The following TNFRSF1B variants were observed in gnomAD, a reference collection of about 807,000 sequenced individuals.
The protein encoded by TNFRSF1B is tumor necrosis factor receptor superfamily member 1B.
TNFRSF1B carries 19 observed loss-of-function variants against 44.6 expected under a neutral mutation model. The observed-to-expected ratio is 0.43, with a 90% CI of 0.30 to 0.62. The LOEUF is 0.62. Among genes scored for constraint, TNFRSF1B ranks in the 20% least tolerant of loss-of-function variants. The pLI, the probability that TNFRSF1B is intolerant of heterozygous loss-of-function variation, is 0.16. For synonymous variants in TNFRSF1B, 252 were observed against 261.1 expected, an observed-to-expected ratio of 0.97 and a Z score of 0.34; for missense variants, 541 against 619.9, an observed-to-expected ratio of 0.87 and a Z score of 1.35.
rs1194581204 is a variant in TNFRSF1B, at chr1:12,180,396, T to A, written c.79-8400T>A. ...TTTTCCTTCTCCTCCAGGCCTCCCT[T>A]CTTTCCTTCCTCTCTCGCTATTTAT... is the stretch of plus-strand genomic sequence containing the variant. On this transcript the variant is annotated intron_variant, in intron 1 of 9. Transcript: ENST00000376259. The surrounding 1 kb of genome is among the most constrained non-coding windows in gnomAD (Gnocchi z 4.3). Among the ~76,000 whole-genome samples the A allele has an allele frequency of 6.6e-6, 1 of 152,208 alleles. No individual in the cohort carries two copies. The highest frequency in any genetic ancestry group is 1.5e-5 in the Non-Finnish European group (1 of 68,038).
chr1:12,179,122 C>T (rs1454128122), intron 1 of TNFRSF1B, among the ~76,000 whole-genome samples: 1 of 152,132 alleles, frequency 6.6e-6, no homozygotes, highest in Non-Finnish European at 1.5e-5. Context: ...GCATTTAGCA[C>T]AAAGCCTGGC....
At chr1:12,189,651 C>G (rs1639066969) in intron 2 of TNFRSF1B, among the ~76,000 whole-genome samples, 1 of 152,222 alleles carries the variant, frequency 6.6e-6, no homozygotes, top group South Asian at 2.1e-4. Context: ...AGACAAAACC[C>G]TTGCCCTCGT....
chr1:12,201,422 A>G (rs1228935552), intron 8 of TNFRSF1B, among the ~76,000 whole-genome samples: 1 of 151,880 alleles, frequency 6.6e-6, no homozygotes, highest in Non-Finnish European at 1.5e-5. Flanking sequence ...CAGCCATCTA[A>G]TCTTCACAAC....
intron 1 of TNFRSF1B, among the ~76,000 whole-genome samples, chr1:12,172,266 G>C (rs1029269083): frequency 6.6e-6 from 1 of 152,196 alleles, no homozygotes; most frequent in Non-Finnish European, 1.5e-5. Context: ...GATGACTCTG[G>C]GGAAAGGCCC....
Position 12,190,953 on chromosome 1 carries a change from T to C in TNFRSF1B, c.179-4T>C. 1 of 1,613,460 alleles carries C rather than the reference T, an allele frequency of 6.2e-7. No homozygotes were observed. The highest frequency in any genetic ancestry group is 8.5e-7 in the Non-Finnish European group (1 of 1,179,516). On this transcript the variant is annotated splice_region_variant and splice_polypyrimidine_tract_variant and intron_variant, in intron 2 of 9. Coordinates refer to ENST00000376259, the MANE Select transcript of TNFRSF1B (RefSeq NM_001066.3). ...GCTGAGACCTCTGGCCCTTGTTTCC[T>C]CAGGCCAACATGCAAAAGTCTTCTG...
Position 12,171,978 on chromosome 1 carries a change from C to G in TNFRSF1B, c.78+4809C>G, listed in dbSNP as rs1638533442. On this transcript the variant is annotated intron_variant, in intron 1 of 9. Transcript: ENST00000376259. The surrounding 1 kb of genome is among the most constrained non-coding windows in gnomAD (Gnocchi z 4.5). ...AGGGTGGGGTTCTGTTTGCCTCCATCTCTTGGGGTATTTTTCTGGGCTCCT... is the reference window on the plus strand; with the variant it reads ...AGGGTGGGGTTCTGTTTGCCTCCATGTCTTGGGGTATTTTTCTGGGCTCCT... Among the ~76,000 whole-genome samples the G allele has an allele frequency of 6.6e-6, 1 of 152,152 alleles. No homozygotes were observed. Among genetic ancestry groups the G allele is most frequent in the Non-Finnish European group, 1.5e-5 (1 of 68,036 alleles).
chr1:12,204,800 C>CA (rs1264438217), intron 9 of TNFRSF1B, among the ~76,000 whole-genome samples: 1 of 150,960 alleles, frequency 6.6e-6, no homozygotes, highest in African/African-American at 2.5e-5. Flanking sequence ...TCACCACCAC[C>CA]ACCACCACCA....
chr1:12,183,709 TA>T (rs1440463390), intron 1 of TNFRSF1B, among the ~76,000 whole-genome samples: 2 of 116,384 alleles, frequency 1.7e-5, no homozygotes, highest in African/African-American at 5.8e-5. Flanking sequence ...TCTATCTATC[TA>T]TTCTATCTAC....
intron 1 of TNFRSF1B, among the ~76,000 whole-genome samples, chr1:12,182,201 G>A (rs568000329): frequency 1.6e-4 from 24 of 152,158 alleles, no homozygotes; most frequent in Admixed American, 5.2e-4. Flanking sequence ...TGGCCTCAGG[G>A]GGACCAGGGG....
At chr1:12,200,874 G>A (rs1004247523) in intron 8 of TNFRSF1B, among the ~76,000 whole-genome samples, 11 of 152,186 alleles carry the variant, frequency 7.2e-5, no homozygotes, top group African/African-American at 2.4e-4. Context: ...GCCTGCCTCA[G>A]CCTCCCAAAG....
intron 3 of TNFRSF1B, 190 bp from the exon 4 acceptor site, chr1:12,191,584 C>T (rs1245130603): frequency 2.9e-6 from 2 of 678,990 alleles, no homozygotes; most frequent in Non-Finnish European, 2.6e-6. Context: ...CGGAGAGTAG[C>T]GGGACTGCGG....
At chr1:12,205,319 T>C (rs1639478252) in intron 9 of TNFRSF1B, among the ~76,000 whole-genome samples, 1 of 151,622 alleles carries the variant, frequency 6.6e-6, no homozygotes, top group South Asian at 2.1e-4. Context: ...GTGGGGAATG[T>C]GGCTGGAAGG....
chr1:12,202,711 A>G (rs1291955429), intron 9 of TNFRSF1B, among the ~76,000 whole-genome samples: 3 of 152,354 alleles, frequency 2.0e-5, no homozygotes, highest in African/African-American at 7.2e-5. Flanking sequence ...TTACATGCAT[A>G]AAACTGACCT....
chr1:12,201,046 A>C (rs900000581), intron 8 of TNFRSF1B, among the ~76,000 whole-genome samples: 7 of 152,060 alleles, frequency 4.6e-5, no homozygotes, highest in Non-Finnish European at 1.0e-4. Flanking sequence ...TGAGCCCAGG[A>C]GTACAAGACC....
At chr1:12,201,889 G>A in intron 8 of TNFRSF1B, 78 bp from the exon 9 acceptor site, 1 of 1,495,874 alleles carries the variant, frequency 6.7e-7, no homozygotes. Context: ...AGGTGTGGAT[G>A]GCAGTGGGAA....
chr1:12,173,725 G>C (rs796315331), intron 1 of TNFRSF1B, among the ~76,000 whole-genome samples: 1 of 152,194 alleles, frequency 6.6e-6, no homozygotes, highest in Non-Finnish European at 1.5e-5. Context: ...GCTCTGACCC[G>C]GTTCTGAGTC....
intron 1 of TNFRSF1B, among the ~76,000 whole-genome samples, chr1:12,167,963 C>T (rs1283383865): frequency 1.3e-5 from 2 of 152,178 alleles, no homozygotes; most frequent in Non-Finnish European, 2.9e-5. Flanking sequence ...GACTGTGCAC[C>T]CTTTGCCTGT....
intron 2 of TNFRSF1B, 34 bp from the exon 3 acceptor site, chr1:12,190,923 G>C (rs1162634236): frequency 1.2e-6 from 2 of 1,606,336 alleles, no homozygotes; most frequent in Non-Finnish European, 8.5e-7. Context: ...CAGAAGGCTC[G>C]CCCAGCTGAG....
At chr1:12,185,974 C>T (rs1043924444) in intron 1 of TNFRSF1B, among the ~76,000 whole-genome samples, 1 of 152,130 alleles carries the variant, frequency 6.6e-6, no homozygotes, top group Non-Finnish European at 1.5e-5. Context: ...GGGCAGGGAG[C>T]CTTCAGGAGG....
Sources: gnomAD v4.1 joint callset for allele counts (sites outside exome capture counted in the v4.1 genomes callset) on GRCh38, gnomAD v4.1.1 for gene constraint, Gnocchi (gnomAD v3.1) non-coding constraint, MANE v1.5 for transcripts, NCBI Gene and HGNC (gene_info 2026-07-23, HGNC 2026-07-21) for gene names.